The following JAZF1 variants were observed in gnomAD, a reference collection of about 807,000 sequenced individuals.
JAZF1 encodes the protein JAZF zinc finger 1.
Under a neutral mutation model 26.4 loss-of-function variants are expected in JAZF1, and 8 were observed. The ratio of observed to expected loss-of-function variants is 0.30; its 90% CI spans 0.18 to 0.55. The LOEUF is 0.55. Ranked by LOEUF, JAZF1 falls within the 20% of genes least tolerant of loss-of-function variation. The pLI, the probability that JAZF1 is intolerant of heterozygous loss-of-function variation, is 0.94. For synonymous variants in JAZF1, 126 were observed against 122.3 expected (o/e 1.03, Z -0.20); for missense variants, 199 against 322.0 (o/e 0.62, Z 2.92).
At chr7:27,980,049 G>T (rs1004189471) in intron 2 of JAZF1, among the ~76,000 whole-genome samples, 2 of 152,026 alleles carry the variant, frequency 1.3e-5, no homozygotes, top group Admixed American at 1.3e-4. Flanking sequence ...CTCTGCCCAG[G>T]TGTCCTACCC....
intron 2 of JAZF1, among the ~76,000 whole-genome samples, chr7:27,946,313 A>G (rs1784923945): frequency 6.6e-6 from 1 of 152,246 alleles, no homozygotes. Flanking sequence ...TGGTTACCAC[A>G]CACACCAAAT....
chr7:28,042,390 G>T (rs1049014783), intron 1 of JAZF1, among the ~76,000 whole-genome samples: 1 of 152,180 alleles, frequency 6.6e-6, no homozygotes, highest in African/African-American at 2.4e-5. Flanking sequence ...GGGGAGCTGG[G>T]GGGAGTTGGG....
At chr7:27,863,784 A>T (rs1783421882) in intron 3 of JAZF1, 1 of 152,232 alleles carries the variant, frequency 6.6e-6, no homozygotes, top group African/African-American at 2.4e-5. Context: ...GGGGAACAGA[A>T]ATCCAAGTAC....
chr7:28,049,364 G>A (rs144973696), intron 1 of JAZF1, among the ~76,000 whole-genome samples: 8,366 of 151,812 alleles, frequency 0.055, 406 homozygotes, highest in African/African-American at 0.13. Context: ...GATTACAGGC[G>A]TGAGCCACCG....
At chr7:28,156,012 T>C (rs1462873091) in intron 1 of JAZF1, among the ~76,000 whole-genome samples, 2 of 152,226 alleles carry the variant, frequency 1.3e-5, no homozygotes, top group African/African-American at 4.8e-5. Context: ...GGTATGTACA[T>C]ATACATACAC....
intron 1 of JAZF1, among the ~76,000 whole-genome samples, chr7:28,114,035 AT>A (rs1303228512): frequency 3.9e-5 from 6 of 152,218 alleles, no homozygotes; most frequent in Non-Finnish European, 8.8e-5. Context: ...TAGTTTGGGT[AT>A]TGTTTATTAT....
chr7:27,927,561 A>AT (rs1784620875), intron 2 of JAZF1, among the ~76,000 whole-genome samples: 1 of 152,188 alleles, frequency 6.6e-6, no homozygotes, highest in South Asian at 2.1e-4. Flanking sequence ...GGTATATAGT[A>AT]TTTAACAAGT....
chr7:28,130,516 C>A (rs899491842), intron 1 of JAZF1, among the ~76,000 whole-genome samples: 5 of 152,192 alleles, frequency 3.3e-5, no homozygotes, highest in Admixed American at 2.6e-4. Context: ...CCCTCCCTTG[C>A]AAGGCCTGCC....
chr7:28,098,387 C>G (rs974949584), intron 1 of JAZF1, among the ~76,000 whole-genome samples: 1 of 151,992 alleles, frequency 6.6e-6, no homozygotes, highest in African/African-American at 2.4e-5. Context: ...TTTGTTGTAG[C>G]AGCTCAACCT....
intron 2 of JAZF1, among the ~76,000 whole-genome samples, chr7:27,983,612 A>C (rs1453765046): frequency 6.6e-6 from 1 of 152,066 alleles, no homozygotes; most frequent in Non-Finnish European, 1.5e-5. Context: ...CCACAAAGAT[A>C]CTCCTCGAGA....
intron 1 of JAZF1, among the ~76,000 whole-genome samples, chr7:28,035,602 G>C (rs994930499): frequency 1.3e-5 from 2 of 152,056 alleles, no homozygotes; most frequent in African/African-American, 2.4e-5. Flanking sequence ...AGATGATTGT[G>C]GTTCCTTGCT....
At chr7:27,871,976 A>T (rs987612486) in intron 3 of JAZF1, among the ~76,000 whole-genome samples, 14 of 152,210 alleles carry the variant, frequency 9.2e-5, no homozygotes, top group African/African-American at 3.1e-4. Flanking sequence ...TGCAGCTGAA[A>T]CACTTCTGAG....
Position 27,840,668 on chromosome 7 carries a change from G to A in JAZF1, c.555+30C>T, listed in dbSNP as rs182373387. The stretch of plus-strand genomic sequence containing the variant: ...ATGAAGCTTGCCCTGTTTCCATGTG[G>A]TTATGCCAAGCATGCAGCACCTCTG... On this transcript the variant is annotated intron_variant, in intron 4 of 4. Transcript: ENST00000283928. This position sits in a 1 kb window ranked among gnomAD's most constrained non-coding sequence, Gnocchi z 5.1. The A allele has an allele frequency of 1.1e-3, 1,828 of 1,610,460 alleles. 18 individuals are homozygous for A. The Middle Eastern group carries it at 0.021, about 19-fold the overall frequency.
intron 4 of JAZF1, among the ~76,000 whole-genome samples, chr7:27,834,941 A>G (rs1199549265): frequency 1.3e-5 from 2 of 152,260 alleles, no homozygotes; most frequent in Non-Finnish European, 2.9e-5. Flanking sequence ...AAGACTTTCA[A>G]CTTTAATATG....
chr7:27,996,910 A>G (rs1446558750), intron 1 of JAZF1, among the ~76,000 whole-genome samples: 1 of 152,186 alleles, frequency 6.6e-6, no homozygotes, highest in African/African-American at 2.4e-5. Flanking sequence ...AGAAAATTGA[A>G]GGCTTTTGCT....
intron 1 of JAZF1, among the ~76,000 whole-genome samples, chr7:28,110,507 A>AAAG (rs1784633147): frequency 2.1e-5 from 2 of 95,222 alleles, no homozygotes; most frequent in East Asian, 1.3e-3. Flanking sequence ...GGAAAGGAAA[A>AAAG]GGAAAGGAAA....
At chr7:27,982,348 C>T (rs1378260781) in intron 2 of JAZF1, among the ~76,000 whole-genome samples, 1 of 152,252 alleles carries the variant, frequency 6.6e-6, no homozygotes, top group East Asian at 1.9e-4. Context: ...GAGCCTCACT[C>T]ACTGCTAGCA....
intron 1 of JAZF1, among the ~76,000 whole-genome samples, chr7:28,073,483 G>A (rs1035493396): frequency 6.6e-6 from 1 of 152,106 alleles, no homozygotes; most frequent in Non-Finnish European, 1.5e-5. Flanking sequence ...CCGAATCTTT[G>A]CATTTTGCTT....
intron 1 of JAZF1, among the ~76,000 whole-genome samples, chr7:28,094,528 T>C (rs1335212838): frequency 1.3e-5 from 2 of 152,192 alleles, no homozygotes; most frequent in Non-Finnish European, 2.9e-5. Flanking sequence ...CTAACTTTTT[T>C]GCGACCCTAT....
Sources: gnomAD v4.1 joint callset for allele counts (sites outside exome capture counted in the v4.1 genomes callset) on GRCh38, gnomAD v4.1.1 for gene constraint, Gnocchi (gnomAD v3.1) non-coding constraint, MANE v1.5 for transcripts, NCBI Gene and HGNC (gene_info 2026-07-23, HGNC 2026-07-21) for gene names.